The following RGS7 variants were observed in gnomAD, a reference collection of about 807,000 sequenced individuals.
The protein encoded by RGS7 is regulator of G-protein signaling 7.
RGS7 carries 27 observed loss-of-function variants against 81.1 expected under a neutral mutation model. The observed-to-expected ratio is 0.33, with a 90% CI of 0.25 to 0.46. The LOEUF (loss-of-function observed/expected upper bound fraction) is 0.46. Ranked by LOEUF, RGS7 falls within the 20% of genes least tolerant of loss-of-function variation. The pLI is 1.00. For missense variants in RGS7, 396 were observed against 607.4 expected (o/e 0.65, Z 3.66); for synonymous variants, 208 against 207.7 (o/e 1.00, Z -0.01).
At chr1:241,172,996 C>T (rs995566001) in intron 2 of RGS7, among the ~76,000 whole-genome samples, 1 of 152,154 alleles carries the variant, frequency 6.6e-6, no homozygotes, top group Non-Finnish European at 1.5e-5. Context: ...AAGCATAGAG[C>T]AGCTATTGCA....
chr1:240,941,729 C>A lies in RGS7; in HGVS notation c.227-5023G>T, dbSNP rs1284260601. 2.0e-5 allele frequency among the ~76,000 whole-genome samples: 3 copies of A among 151,846 alleles called. No homozygotes were observed. In the East Asian group the frequency reaches 5.8e-4, roughly 29 times the overall value. ...TTATTGTTAGGGACAAACATGGTGC[C>A]ACAGTTCCCTGTGGTCCCACTGCTC... On this transcript the variant is annotated intron_variant, in intron 4 of 18. Coordinates refer to ENST00000440928, the MANE Select transcript of RGS7 (RefSeq NM_001364886.1).
At chr1:241,169,424 A>G (rs1281491472) in intron 2 of RGS7, among the ~76,000 whole-genome samples, 3 of 139,852 alleles carry the variant, frequency 2.1e-5, no homozygotes, top group African/African-American at 8.1e-5. Context: ...GGTCACTGCA[A>G]CCACTCCCTC....
chr1:241,341,431 A>T (rs1483223556), intron 2 of RGS7, among the ~76,000 whole-genome samples: 1 of 152,242 alleles, frequency 6.6e-6, no homozygotes, highest in Non-Finnish European at 1.5e-5. Context: ...TGGTAAAATG[A>T]AAAACATAAT....
At chr1:240,839,265 A>G (rs971686857) in intron 9 of RGS7, among the ~76,000 whole-genome samples, 3 of 152,154 alleles carry the variant, frequency 2.0e-5, no homozygotes, top group African/African-American at 7.2e-5. Flanking sequence ...TCTGATGTGG[A>G]TCAGAAAACT....
intron 9 of RGS7, among the ~76,000 whole-genome samples, chr1:240,867,671 AG>A (rs1366957728): frequency 6.6e-6 from 1 of 152,202 alleles, no homozygotes; most frequent in Non-Finnish European, 1.5e-5. Flanking sequence ...AGTCTGTGAA[AG>A]TCAACAACCA....
chr1:241,043,909 A>G (rs2060767463), intron 3 of RGS7, among the ~76,000 whole-genome samples: 1 of 151,806 alleles, frequency 6.6e-6, no homozygotes, highest in African/African-American at 2.4e-5. Context: ...CCAGGGTCCT[A>G]GAACCAATCC....
At chr1:240,949,651 G>A (rs1339704920) in intron 4 of RGS7, among the ~76,000 whole-genome samples, 2 of 151,914 alleles carry the variant, frequency 1.3e-5, no homozygotes, top group Non-Finnish European at 2.9e-5. Flanking sequence ...AGTTTGAGAT[G>A]AGCCTGGCCA....
intron 9 of RGS7, among the ~76,000 whole-genome samples, chr1:240,860,540 A>G (rs1434711594): frequency 6.6e-6 from 1 of 152,038 alleles, no homozygotes; most frequent in African/African-American, 2.4e-5. Flanking sequence ...TCTTTTGATC[A>G]CTGTTAACAT....
chr1:240,930,647 T>C, intron 6 of RGS7, 70 bp downstream of exon 6: 1 of 1,411,210 alleles, frequency 7.1e-7, no homozygotes, highest in Non-Finnish European at 1.0e-6. Context: ...AAAAAAGCAA[T>C]AAAACGCAAG....
At chr1:240,821,848 T>C (rs989430411) in intron 10 of RGS7, among the ~76,000 whole-genome samples, 3 of 152,192 alleles carry the variant, frequency 2.0e-5, no homozygotes, top group Admixed American at 6.5e-5. Flanking sequence ...TTTTGAAATA[T>C]GGGTGCTAAG....
At chr1:240,924,906 A>T (rs1674166141) in intron 6 of RGS7, among the ~76,000 whole-genome samples, 1 of 152,200 alleles carries the variant, frequency 6.6e-6, no homozygotes, top group Non-Finnish European at 1.5e-5. Context: ...AGTATTTGAA[A>T]AAAATAAAAA....
chr1:241,205,604 C>G (rs1451755314), intron 2 of RGS7, among the ~76,000 whole-genome samples: 6 of 151,706 alleles, frequency 4.0e-5, no homozygotes, highest in Non-Finnish European at 8.8e-5. Flanking sequence ...GGCATGCAAC[C>G]ACCACACCCA....
chr1:241,169,357 T>C (rs2070541218), intron 2 of RGS7, among the ~76,000 whole-genome samples: 1 of 118,198 alleles, frequency 8.5e-6, no homozygotes, highest in Admixed American at 8.7e-5. Flanking sequence ...TTTTTTTTTT[T>C]TTTTGAGACA....
At chr1:240,831,338 GTGC>G (rs1158049136) in intron 9 of RGS7, among the ~76,000 whole-genome samples, 1 of 152,150 alleles carries the variant, frequency 6.6e-6, no homozygotes, top group Non-Finnish European at 1.5e-5. Context: ...TCATGACCCA[GTGC>G]TGATAACCCC....
intron 2 of RGS7, chr1:241,305,989 T>C (rs2080087221): frequency 6.5e-6 from 1 of 153,996 alleles, no homozygotes; most frequent in Non-Finnish European, 1.4e-5. Context: ...AAGTAGAGAG[T>C]AGCCAGTAGA....
chr1:241,006,124 A>T (rs1353268873), intron 3 of RGS7, among the ~76,000 whole-genome samples: 8 of 110,724 alleles, frequency 7.2e-5, no homozygotes, highest in Admixed American at 2.7e-4. Context: ...AGGTTAGGAT[A>T]AAAAAAAACC....
chr1:241,272,870 T>C (rs1189796790), intron 2 of RGS7, among the ~76,000 whole-genome samples: 2 of 152,362 alleles, frequency 1.3e-5, no homozygotes, highest in East Asian at 3.9e-4. Context: ...ATTTCTGATA[T>C]TGTACTTTTT....
chr1:241,297,958 C>A (rs58179256), intron 2 of RGS7, among the ~76,000 whole-genome samples: 5 of 152,018 alleles, frequency 3.3e-5, no homozygotes, highest in Non-Finnish European at 7.4e-5. Flanking sequence ...ACCACTAGAT[C>A]GAAACTAAAT....
intron 3 of RGS7, among the ~76,000 whole-genome samples, chr1:241,048,259 C>G (rs200128087): frequency 6.6e-6 from 1 of 152,102 alleles, no homozygotes; most frequent in East Asian, 1.9e-4. Context: ...GCTCAGCCTC[C>G]CCCTGGTGAG....
Sources: gnomAD v4.1 joint callset for allele counts (sites outside exome capture counted in the v4.1 genomes callset) on GRCh38, gnomAD v4.1.1 for gene constraint, MANE v1.5 for transcripts, NCBI Gene and HGNC (gene_info 2026-07-23, HGNC 2026-07-21) for gene names.